STPG4: variants seen among roughly 807,000 people sequenced by gnomAD.
STPG4 encodes sperm-tail PG-rich repeat containing 4.
STPG4 carries 41 observed loss-of-function variants against 31.5 expected under a neutral mutation model. The observed-to-expected ratio is 1.30, with a 90% confidence interval of 1.01 to 1.69. STPG4 has a LOEUF of 1.69. Among genes scored for constraint, STPG4 ranks in the 40% most tolerant of loss-of-function variants. STPG4 has a pLI of 0.00. For synonymous variants in STPG4, 141 were observed against 103.0 expected (o/e 1.37, Z -2.24); for missense variants, 375 against 293.4 (o/e 1.28, Z -2.03).
intron 3 of STPG4, among the ~76,000 whole-genome samples, chr2:47,146,838 T>G (rs926713229): frequency 6.6e-6 from 1 of 150,442 alleles, no homozygotes; most frequent in African/African-American, 2.4e-5. Context: ...TGTAGGAGGT[T>G]TGAAAAGAGG....
chr2:47,114,207 A>G (rs1318872597), intron 5 of STPG4, among the ~76,000 whole-genome samples: 3 of 151,812 alleles, frequency 2.0e-5, no homozygotes, highest in Admixed American at 1.3e-4. Flanking sequence ...CCCATTTTCA[A>G]AAAAACATAA....
chr2:47,123,670 T>C (rs747347390), intron 5 of STPG4, among the ~76,000 whole-genome samples: 60 of 152,170 alleles, frequency 3.9e-4, no homozygotes, highest in Middle Eastern at 3.2e-3. Flanking sequence ...TGGTTACTCA[T>C]TTCTCGTATA....
At chr2:47,147,799 T>C (rs1686854960) in intron 3 of STPG4, among the ~76,000 whole-genome samples, 1 of 152,144 alleles carries the variant, frequency 6.6e-6, no homozygotes, top group Non-Finnish European at 1.5e-5. Context: ...CCCGTTTGTG[T>C]ACATATATTC....
intron 3 of STPG4, 99 bp from the exon 4 acceptor site, chr2:47,130,359 T>C (rs1686452904): frequency 4.3e-6 from 4 of 937,954 alleles, no homozygotes; most frequent in Admixed American, 2.2e-5. Context: ...CCATACAACA[T>C]TGGATAATTC....
intron 5 of STPG4, among the ~76,000 whole-genome samples, chr2:47,116,686 G>T (rs747994232): frequency 6.6e-6 from 1 of 152,112 alleles, no homozygotes; most frequent in African/African-American, 2.4e-5. Context: ...GTTCCTGGGA[G>T]CATGGCGGAG....
At chr2:47,125,942 A>G (rs928586159) in intron 5 of STPG4, among the ~76,000 whole-genome samples, 7 of 152,212 alleles carry the variant, frequency 4.6e-5, no homozygotes, top group African/African-American at 1.7e-4. Context: ...CTTCATATGG[A>G]TATCCAGTTT....
chr2:47,138,562 G>GTT (rs985783480), intron 3 of STPG4, among the ~76,000 whole-genome samples: 1 of 151,260 alleles, frequency 6.6e-6, no homozygotes, highest in South Asian at 2.1e-4. Context: ...TGGTTAATTT[G>GTT]TTTTTTTAGA....
In STPG4 at chr2:47,087,001, G is replaced by C. The variant is rs993992990; in HGVS notation, c.*7C>G. On this transcript the variant is annotated 3_prime_UTR_variant, in exon 7 of 7. Coordinates refer to ENST00000445927, the MANE Select transcript of STPG4 (RefSeq NM_001163561.2). ...ACCTCAAAGTAGAGCTTGGTGCCAA[G>C]ATCACTTTATTTTAAAAGCCAATTG... 7 of 1,551,522 alleles carry C rather than the reference G, an allele frequency of 4.5e-6. No homozygotes were observed. The South Asian group carries it at 5.9e-5, about 13-fold the overall frequency.
At chr2:47,125,534 T>C (rs1348139522) in intron 5 of STPG4, among the ~76,000 whole-genome samples, 1 of 152,232 alleles carries the variant, frequency 6.6e-6, no homozygotes, top group African/African-American at 2.4e-5. Flanking sequence ...GTGGGTCGTC[T>C]CTTCACTTTG....
chr2:47,097,938 T>A (rs1404509917), intron 5 of STPG4, among the ~76,000 whole-genome samples: 1 of 140,226 alleles, frequency 7.1e-6, no homozygotes, highest in Non-Finnish European at 1.5e-5. Context: ...ACCAACATGG[T>A]GAAACCCCAT....
chr2:47,100,186 G>A (rs1685765566), intron 5 of STPG4, among the ~76,000 whole-genome samples: 1 of 152,116 alleles, frequency 6.6e-6, no homozygotes, highest in Non-Finnish European at 1.5e-5. Flanking sequence ...GGTGAAGCCA[G>A]CTGGGCTCCT....
At chr2:47,133,029 T>C (rs1686518218) in intron 3 of STPG4, among the ~76,000 whole-genome samples, 3 of 152,256 alleles carry the variant, frequency 2.0e-5, no homozygotes, top group Non-Finnish European at 2.9e-5. Flanking sequence ...GGGGCTTTTT[T>C]TTCATAAAGT....
At chr2:47,089,737 T>G (rs11695805) in intron 6 of STPG4, among the ~76,000 whole-genome samples, 11,147 of 152,226 alleles carry the variant, frequency 0.073, 555 homozygotes, top group African/African-American at 0.14. Flanking sequence ...GGAGGAGTCC[T>G]GTATGCTCCC....
At position 47,096,676 on chromosome 2, in the gene STPG4, A is replaced by G. The variant is rs567668215; in HGVS notation, c.520-6302T>C. On this transcript the variant is annotated intron_variant, in intron 5 of 6. Transcript: ENST00000445927. ...TCAAACCTCATTAAAACCAAGCTTA[A>G]AAAGTCAAATCCACAAATATTCACT... Among the ~76,000 whole-genome samples the G allele has an allele frequency of 3.3e-5, 5 of 152,328 alleles. No homozygotes were observed. The East Asian group carries it at 9.6e-4, about 29-fold the overall frequency.
intron 3 of STPG4, among the ~76,000 whole-genome samples, chr2:47,140,054 G>A (rs916846270): frequency 2.3e-4 from 35 of 152,064 alleles, no homozygotes; most frequent in African/African-American, 8.2e-4. Flanking sequence ...GATTACAAGC[G>A]TGAGCCACAG....
Position 47,086,995 on chromosome 2 carries a change from T to G in STPG4, c.*13A>C. 1 of 1,551,580 alleles carries G rather than the reference T, an allele frequency of 6.4e-7. No individual in the cohort carries two copies. The highest frequency in any genetic ancestry group is 1.4e-5 in the African/African-American group (1 of 73,170). On this transcript the variant is annotated 3_prime_UTR_variant, in exon 7 of 7. Coordinates refer to ENST00000445927, the MANE Select transcript of STPG4 (RefSeq NM_001163561.2). ...TACTAAACCTCAAAGTAGAGCTTGG[T>G]GCCAAGATCACTTTATTTTAAAAGC...
At chr2:47,098,352 G>A (rs888423617) in intron 5 of STPG4, among the ~76,000 whole-genome samples, 7 of 152,196 alleles carry the variant, frequency 4.6e-5, no homozygotes, top group Non-Finnish European at 8.8e-5. Context: ...CCAGCCTGGT[G>A]CAGGAGGTGC....
At chr2:47,154,463 G>A (rs534766756) in intron 1 of STPG4, among the ~76,000 whole-genome samples, 1 of 152,224 alleles carries the variant, frequency 6.6e-6, no homozygotes, top group African/African-American at 2.4e-5. Context: ...CTGCTGTTTT[G>A]TTTTGCCCAA....
At chr2:47,140,033 C>T (rs555351876) in intron 3 of STPG4, among the ~76,000 whole-genome samples, 15 of 152,218 alleles carry the variant, frequency 9.9e-5, no homozygotes, top group East Asian at 3.9e-4. Flanking sequence ...CTCAGCCTCC[C>T]GAAGTGCTGG....
Sources: gnomAD v4.1 joint callset for allele counts (sites outside exome capture counted in the v4.1 genomes callset) on GRCh38, gnomAD v4.1.1 for gene constraint, MANE v1.5 for transcripts, NCBI Gene and HGNC (gene_info 2026-07-23, HGNC 2026-07-21) for gene names.